Variants in PI15 observed in about 807,000 individuals in gnomAD.
PI15 encodes 25 kDa trypsin inhibitor.
A neutral mutation model predicts 31.0 loss-of-function variants in PI15; 18 were observed. The ratio of observed to expected loss-of-function variants is 0.58; its 90% CI spans 0.40 to 0.86. The LOEUF is 0.86. Ranked by LOEUF, PI15 falls within the 40% of genes least tolerant of loss-of-function variation. The pLI, the probability that PI15 is intolerant of heterozygous loss-of-function variation, is 0.00. For missense variants in PI15, 282 were observed against 328.1 expected, an observed-to-expected ratio of 0.86 and a Z score of 1.09; for synonymous variants, 118 against 119.1, an observed-to-expected ratio of 0.99 and a Z score of 0.06.
intron 2 of PI15, among the ~76,000 whole-genome samples, chr8:74,829,515 T>C (rs1810749041): frequency 6.6e-6 from 1 of 152,068 alleles, no homozygotes; most frequent in African/African-American, 2.4e-5. Context: ...GACCCACACA[T>C]AGAGTAAAAT....
chr8:74,843,374 A>G (rs1000272812), intron 2 of PI15, among the ~76,000 whole-genome samples: 2 of 152,230 alleles, frequency 1.3e-5, no homozygotes, highest in African/African-American at 4.8e-5. Context: ...AGAACTTTGA[A>G]TAACAGTGGC....
intron 2 of PI15, among the ~76,000 whole-genome samples, chr8:74,829,933 G>A (rs1810756881): frequency 1.3e-5 from 2 of 152,024 alleles, no homozygotes; most frequent in African/African-American, 4.8e-5. Context: ...CTGTATTTTT[G>A]AAGAGTTTGA....
intron 1 of PI15, 156 bp from the exon 2 acceptor site, chr8:74,825,054 C>A: frequency 3.1e-6 from 2 of 643,926 alleles, no homozygotes; most frequent in Non-Finnish European, 5.5e-6. Context: ...AATAGAGATT[C>A]TACTGTAGGT....
chr8:74,829,006 G>T (rs558477126), intron 2 of PI15, among the ~76,000 whole-genome samples: 1 of 151,984 alleles, frequency 6.6e-6, no homozygotes, highest in African/African-American at 2.4e-5. Context: ...TTGCTCTCAT[G>T]AAGTGATTTA....
chr8:74,849,857 A>G lies in PI15; in HGVS notation c.*604A>G, dbSNP rs1181124364. 1 of 152,146 alleles carries G rather than the reference A, an allele frequency of 6.6e-6. No individual in the cohort carries two copies. Among genetic ancestry groups the G allele is most frequent in the African/African-American group, 2.4e-5 (1 of 41,436 alleles). The allele number at this position is 152,146 out of a possible 1,614,324, so 9.4% of individuals were successfully genotyped here. Reference sequence around the variant, plus strand: ...AGCAACCACGAATTTCACCCTGGAGATATTTTTTCTTATTTGAGTCCACCA... The same window carrying G: ...AGCAACCACGAATTTCACCCTGGAGGTATTTTTTCTTATTTGAGTCCACCA... On this transcript the variant is annotated 3_prime_UTR_variant, in exon 6 of 6. Coordinates refer to ENST00000260113, the MANE Select transcript of PI15 (RefSeq NM_015886.5).
In PI15 at chr8:74,852,845, G is replaced by T. The variant is rs1811126825; in HGVS notation, c.*3592G>T. On this transcript the variant is annotated 3_prime_UTR_variant, in exon 6 of 6. Transcript: ENST00000260113. Reference sequence around the variant, plus strand: ...AAATAATGCTTAGACTTTGGTGTAGGTTCTTCCTGTGTAGCCATATACCCA... The same window carrying T: ...AAATAATGCTTAGACTTTGGTGTAGTTTCTTCCTGTGTAGCCATATACCCA... The T allele has an allele frequency of 6.6e-6, 1 of 152,016 alleles. No individual in the cohort carries two copies. The highest frequency in any genetic ancestry group is 2.1e-4 in the South Asian group (1 of 4,838). 9.4% of individuals were successfully genotyped at this position (152,016 alleles called of 1,614,324 possible).
In PI15 at chr8:74,854,805, A is replaced by G. The variant is rs1811157557; in HGVS notation, c.*5552A>G. The G allele has an allele frequency of 6.6e-6, 1 of 152,104 alleles. No homozygotes were observed. The highest frequency in any genetic ancestry group is 2.4e-5 in the African/African-American group (1 of 41,424). The allele number at this position is 152,104 out of a possible 1,614,324, so 9.4% of individuals were successfully genotyped here. A position where few individuals can be genotyped will look rare whatever the true frequency, so the allele number is the denominator to read the frequency against. Reference sequence around the variant, plus strand: ...GTCTCACATATTTATATAATCCTCAAATATACTGTACCATTTTAGATATTT... The same window carrying G: ...GTCTCACATATTTATATAATCCTCAGATATACTGTACCATTTTAGATATTT... On this transcript the variant is annotated 3_prime_UTR_variant, in exon 6 of 6. Transcript: ENST00000260113.
chr8:74,835,381 A>G (rs1345078111), intron 2 of PI15, among the ~76,000 whole-genome samples: 1 of 152,152 alleles, frequency 6.6e-6, no homozygotes, highest in Non-Finnish European at 1.5e-5. Context: ...TGAGCTAGAC[A>G]TCTGCCTTCT....
chr8:74,840,541 TG>T (rs549704227), intron 2 of PI15, among the ~76,000 whole-genome samples: 2 of 152,168 alleles, frequency 1.3e-5, no homozygotes, highest in Non-Finnish European at 2.9e-5. Context: ...AGAAAGTAAA[TG>T]TAGGTCTCAG....
At chr8:74,830,939 A>G (rs1392491595) in intron 2 of PI15, among the ~76,000 whole-genome samples, 1 of 152,156 alleles carries the variant, frequency 6.6e-6, no homozygotes, top group African/African-American at 2.4e-5. Context: ...TCAGAACTCT[A>G]CATTCCTGCT....
At chr8:74,825,665 G>C in intron 2 of PI15, 143 bp downstream of exon 2, 1 of 664,380 alleles carries the variant, frequency 1.5e-6, no homozygotes. Flanking sequence ...GTTCTTATGT[G>C]CCTAATAATG....
intron 2 of PI15, among the ~76,000 whole-genome samples, chr8:74,840,187 A>G (rs1217584806): frequency 2.0e-5 from 3 of 152,170 alleles, no homozygotes; most frequent in Admixed American, 2.0e-4. Context: ...AAATCAGTGT[A>G]ATTGGGATAG....
At chr8:74,842,295 A>C (rs1810956410) in intron 2 of PI15, among the ~76,000 whole-genome samples, 1 of 152,150 alleles carries the variant, frequency 6.6e-6, no homozygotes, top group Non-Finnish European at 1.5e-5. Context: ...ATGTAAATAT[A>C]AGTGATCATA....
chr8:74,842,778 T>A (rs1810963632), intron 2 of PI15, among the ~76,000 whole-genome samples: 1 of 152,292 alleles, frequency 6.6e-6, no homozygotes, highest in South Asian at 2.1e-4. Flanking sequence ...TATTTTTCAA[T>A]GAAAGAAAAT....
intron 2 of PI15, among the ~76,000 whole-genome samples, chr8:74,838,776 C>G (rs1227862595): frequency 6.6e-6 from 1 of 152,152 alleles, no homozygotes. Context: ...TCAATTCAAT[C>G]AAGTTTAGGA....
chr8:74,826,621 G>T (rs1284241249), intron 2 of PI15, among the ~76,000 whole-genome samples: 1 of 152,102 alleles, frequency 6.6e-6, no homozygotes, highest in Non-Finnish European at 1.5e-5. Flanking sequence ...CAGTCCTGGT[G>T]TGTGAGGAGC....
At chr8:74,836,088 G>A (rs1049317119) in intron 2 of PI15, among the ~76,000 whole-genome samples, 1 of 152,174 alleles carries the variant, frequency 6.6e-6, no homozygotes. Context: ...AAAAAATAGA[G>A]TAGATGACTA....
chr8:74,834,830 T>C (rs1223447247), intron 2 of PI15, among the ~76,000 whole-genome samples: 2 of 152,286 alleles, frequency 1.3e-5, no homozygotes, highest in Admixed American at 1.3e-4. Flanking sequence ...TTGCTCTACT[T>C]CTGTGGAGTT....
intron 5 of PI15, among the ~76,000 whole-genome samples, chr8:74,846,598 T>C (rs1039128506): frequency 9.2e-5 from 14 of 152,202 alleles, no homozygotes; most frequent in Non-Finnish European, 1.5e-5. Flanking sequence ...AGATATATTA[T>C]TGCTTTACAG....
Sources: gnomAD v4.1 joint callset for allele counts (sites outside exome capture counted in the v4.1 genomes callset) on GRCh38, gnomAD v4.1.1 for gene constraint, MANE v1.5 for transcripts, NCBI Gene and HGNC (gene_info 2026-07-23, HGNC 2026-07-21) for gene names.